The following VWC2 variants were observed in gnomAD, a reference collection of about 807,000 sequenced individuals.
The protein encoded by VWC2 is brorin.
Under a neutral mutation model 29.8 loss-of-function variants are expected in VWC2, and 14 were observed. The ratio of observed to expected loss-of-function variants is 0.47; its 90% CI spans 0.31 to 0.74. The LOEUF is 0.74. Ranked by LOEUF, VWC2 falls within the 30% of genes least tolerant of loss-of-function variation. The pLI, the probability that VWC2 is intolerant of heterozygous loss-of-function variation, is 0.05. For synonymous variants in VWC2, 213 were observed against 199.0 expected, an observed-to-expected ratio of 1.07 and a Z score of -0.59; for missense variants, 457 against 459.8, an observed-to-expected ratio of 0.99 and a Z score of 0.05.
intron 3 of VWC2, among the ~76,000 whole-genome samples, chr7:49,805,450 A>T (rs990076440): frequency 2.0e-5 from 3 of 152,238 alleles, no homozygotes; most frequent in African/African-American, 4.8e-5. Context: ...AAATGTATCT[A>T]ATCATGCACA....
intron 2 of VWC2, among the ~76,000 whole-genome samples, chr7:49,789,171 G>C (rs1018912628): frequency 6.8e-6 from 1 of 148,076 alleles, no homozygotes; most frequent in African/African-American, 2.5e-5. Context: ...GTATGTGTGT[G>C]TTAGCATGTG....
intron 3 of VWC2, among the ~76,000 whole-genome samples, chr7:49,896,989 G>A (rs1368086158): frequency 1.3e-5 from 2 of 148,150 alleles, no homozygotes; most frequent in African/African-American, 2.5e-5. Flanking sequence ...TCCGCTTCCC[G>A]GGTTCACGCC....
At chr7:49,866,046 G>A (rs1790870700) in intron 3 of VWC2, among the ~76,000 whole-genome samples, 2 of 152,070 alleles carry the variant, frequency 1.3e-5, no homozygotes, top group African/African-American at 4.8e-5. Context: ...TCCTTCCTTT[G>A]AGAATCTTTT....
At chr7:49,805,511 T>C (rs1788857118) in intron 3 of VWC2, among the ~76,000 whole-genome samples, 1 of 152,202 alleles carries the variant, frequency 6.6e-6, no homozygotes, top group Non-Finnish European at 1.5e-5. Flanking sequence ...TTCAGCTGTC[T>C]CTAGTTATAG....
intron 3 of VWC2, among the ~76,000 whole-genome samples, chr7:49,890,830 A>T (rs1243876486): frequency 2.0e-5 from 3 of 152,070 alleles, no homozygotes; most frequent in Non-Finnish European, 4.4e-5. Context: ...CCCCAGGTTC[A>T]CCTCCTTACT....
chr7:49,919,194 C>G lies in VWC2; in HGVS notation c.*7009C>G, dbSNP rs975761428. On this transcript the variant is annotated 3_prime_UTR_variant, in exon 4 of 4. Coordinates refer to ENST00000340652, the MANE Select transcript of VWC2 (RefSeq NM_198570.5). ...TCTTCCCTGGGGAGCAGCTGTGAGTCTTACTGAATCGATTTATTCATTGCA... is the reference window on the plus strand; with the variant it reads ...TCTTCCCTGGGGAGCAGCTGTGAGTGTTACTGAATCGATTTATTCATTGCA... 21 of 152,124 alleles carry G rather than the reference C, an allele frequency of 1.4e-4. No individual in the cohort carries two copies. The highest frequency in any genetic ancestry group is 4.8e-4 in the African/African-American group (20 of 41,404). The allele number at this position is 152,124 out of a possible 1,614,324, so 9.4% of individuals were successfully genotyped here.
At position 49,819,750 on chromosome 7, in the gene VWC2, G is replaced by T. The variant is rs78037654; in HGVS notation, c.826+16910G>T. Among the ~76,000 whole-genome samples, 30 of 152,302 alleles carry T rather than the reference G, an allele frequency of 2.0e-4. 2 individuals carry two copies. In the East Asian group the frequency reaches 5.6e-3, roughly 28 times the overall value. On this transcript the variant is annotated intron_variant, in intron 3 of 3. Coordinates refer to ENST00000340652, the MANE Select transcript of VWC2 (RefSeq NM_198570.5). ...GACTTTGATTCTCTAAGGGGGGCCCGTGGGGGAGGGCAAATAACTGGCAGA... is the reference window on the plus strand; with the variant it reads ...GACTTTGATTCTCTAAGGGGGGCCCTTGGGGGAGGGCAAATAACTGGCAGA...
chr7:49,858,322 T>C (rs1044204072), intron 3 of VWC2, among the ~76,000 whole-genome samples: 19 of 152,048 alleles, frequency 1.2e-4, no homozygotes, highest in African/African-American at 4.6e-4. Context: ...CCAACAATGA[T>C]AGACTGGATT....
At chr7:49,805,522 G>T (rs1788857697) in intron 3 of VWC2, among the ~76,000 whole-genome samples, 1 of 152,022 alleles carries the variant, frequency 6.6e-6, no homozygotes, top group African/African-American at 2.4e-5. Context: ...CTAGTTATAG[G>T]GTATTCTGAC....
chr7:49,789,285 G>A (rs1220123769), intron 2 of VWC2, among the ~76,000 whole-genome samples: 1 of 148,988 alleles, frequency 6.7e-6, no homozygotes. Context: ...GTGTGTGAGA[G>A]TGTGAGTGTG....
At chr7:49,902,449 T>C (rs1050511258) in intron 3 of VWC2, among the ~76,000 whole-genome samples, 1 of 151,958 alleles carries the variant, frequency 6.6e-6, no homozygotes, top group African/African-American at 2.4e-5. Flanking sequence ...AGCAAATTTA[T>C]TTTTGACAAA....
In VWC2 at chr7:49,773,991, T is replaced by C. The variant is rs908305548; in HGVS notation, c.-226T>C. 1.3e-5 allele frequency: 2 copies of C among 151,768 alleles called. No individual in the cohort carries two copies. Among genetic ancestry groups the C allele is most frequent in the Non-Finnish European group, 2.9e-5 (2 of 67,952 alleles). 9.4% of individuals were successfully genotyped at this position (151,768 alleles called of 1,614,324 possible). On this transcript the variant is annotated 5_prime_UTR_variant, in exon 1 of 4. Coordinates refer to ENST00000340652, the MANE Select transcript of VWC2 (RefSeq NM_198570.5). ...CGCGCAGGTGGGGCTGGGCTGTTAG[T>C]GGTCCGCCCCACGCGGGTCGCCGGC...
intron 2 of VWC2, among the ~76,000 whole-genome samples, chr7:49,783,242 C>T (rs866435250): frequency 8.6e-5 from 13 of 152,002 alleles, no homozygotes; most frequent in Non-Finnish European, 2.9e-5. Context: ...AGAGATGTGA[C>T]GGGAAGTAAA....
At chr7:49,860,939 T>G (rs1047509943) in intron 3 of VWC2, among the ~76,000 whole-genome samples, 15 of 152,224 alleles carry the variant, frequency 9.9e-5, no homozygotes, top group Non-Finnish European at 1.5e-5. Context: ...CCTTGGACTT[T>G]CTGCCTTTAG....
At chr7:49,900,819 T>C (rs1028764558) in intron 3 of VWC2, among the ~76,000 whole-genome samples, 2 of 151,842 alleles carry the variant, frequency 1.3e-5, no homozygotes, top group Non-Finnish European at 3.0e-5. Context: ...AAAGGAAAAC[T>C]AAAGACTAAT....
intron 3 of VWC2, among the ~76,000 whole-genome samples, chr7:49,838,426 G>T (rs530827102): frequency 1.3e-5 from 2 of 152,190 alleles, no homozygotes; most frequent in East Asian, 3.9e-4. Flanking sequence ...TTGACAGAGT[G>T]GGGTCAGGAG....
intron 3 of VWC2, among the ~76,000 whole-genome samples, chr7:49,883,761 A>G (rs1384635): frequency 0.71 from 107,546 of 152,210 alleles, 38,482 homozygotes; most frequent in East Asian, 0.88. Context: ...AAAGTTTCTA[A>G]TTGAACACAA....
At chr7:49,879,787 T>A (rs1791593099) in intron 3 of VWC2, among the ~76,000 whole-genome samples, 1 of 152,150 alleles carries the variant, frequency 6.6e-6, no homozygotes, top group African/African-American at 2.4e-5. Flanking sequence ...AATTTTATTC[T>A]TATAATTTTA....
intron 3 of VWC2, among the ~76,000 whole-genome samples, chr7:49,897,582 A>G (rs530463492): frequency 6.6e-6 from 1 of 152,294 alleles, no homozygotes; most frequent in East Asian, 1.9e-4. Flanking sequence ...GAACAAACTA[A>G]AAAATCAACA....
Sources: allele counts gnomAD v4.1 joint callset (sites outside exome capture counted in the v4.1 genomes callset), GRCh38; gene constraint gnomAD v4.1.1; transcripts MANE v1.5; gene names NCBI Gene and HGNC (gene_info 2026-07-23, HGNC 2026-07-21).